PRDM11: variants seen among roughly 807,000 people sequenced by gnomAD.
The protein encoded by PRDM11 is PR/SET domain 11, also known as PR domain-containing protein 11.
Under a neutral mutation model 97.8 loss-of-function variants are expected in PRDM11, and 20 were observed. That is an observed-to-expected ratio of 0.20 (90% CI 0.14 to 0.30). The LOEUF (loss-of-function observed/expected upper bound fraction) is 0.30, where lower values mean the gene tolerates loss of function less well. PRDM11 is among the 10% of genes least tolerant of loss of function. The probability of loss-of-function intolerance (pLI) is 1.00; values close to 1 mark genes in which losing one functional copy is unlikely to be tolerated. For synonymous variants in PRDM11, 599 were observed against 637.7 expected, an observed-to-expected ratio of 0.94 and a Z score of 0.91; for missense variants, 1,139 against 1,555.2, an observed-to-expected ratio of 0.73 and a Z score of 4.50.
intron 7 of PRDM11, chr11:45,225,078 G>A: frequency 7.0e-7 from 1 of 1,437,284 alleles, no homozygotes. Context: ...AATAAAGGAA[G>A]TTCCGCTGCA....
At chr11:45,105,733 G>T (rs748684980) in intron 1 of PRDM11, among the ~76,000 whole-genome samples, 6 of 152,230 alleles carry the variant, frequency 3.9e-5, no homozygotes, top group Non-Finnish European at 8.8e-5. Flanking sequence ...CTCAGGCTCT[G>T]ATCCCACCTC....
rs79040280 is a variant in PRDM11 at position 45,113,265 on chromosome 11, T to C, written c.96+17364T>C. ...TTATCAAAGAGCAGTTGGCTGTACT[T>C]ATTTGGCTTTATTTCCGGGTTCTCT... On this transcript the variant is annotated intron_variant, in intron 1 of 6. Coordinates refer to the PRDM11 transcript ENST00000530656. Among the ~76,000 whole-genome samples, 1,155 of 152,352 alleles carry C rather than the reference T, an allele frequency of 7.6e-3. 13 individuals are homozygous for C. The highest frequency in any genetic ancestry group is 0.027 in the African/African-American group (1,105 of 41,584).
At chr11:45,183,247 G>A (rs957370809) in intron 4 of PRDM11, 124 bp downstream of exon 4, 39 of 1,292,486 alleles carry the variant, frequency 3.0e-5, no homozygotes, top group Non-Finnish European at 3.8e-5. Context: ...TGGACCTGTC[G>A]ATGATGGATC....
At chr11:45,175,885 T>A (rs528771031) in intron 1 of PRDM11, among the ~76,000 whole-genome samples, 66 of 152,370 alleles carry the variant, frequency 4.3e-4, no homozygotes, top group African/African-American at 1.5e-3. Flanking sequence ...ATTTATTTGT[T>A]TTAATTTGTA....
At chr11:45,104,359 T>A (rs1226485984) in intron 1 of PRDM11, among the ~76,000 whole-genome samples, 2 of 152,140 alleles carry the variant, frequency 1.3e-5, no homozygotes, top group Non-Finnish European at 2.9e-5. Flanking sequence ...GAATTCAGGA[T>A]CCTCTGGATG....
Position 45,181,997 on chromosome 11 carries a change from C to T in PRDM11, c.119+112C>T, listed in dbSNP as rs529604527. 34 of 1,022,998 alleles carry T rather than the reference C, an allele frequency of 3.3e-5. 2 individuals are homozygous for T. In the South Asian group the frequency reaches 4.8e-4, roughly 15 times the overall value. 63.4% of individuals were successfully genotyped at this position (1,022,998 alleles called of 1,614,324 possible). A position where few individuals can be genotyped will look rare whatever the true frequency, so the allele number is the denominator to read the frequency against. On this transcript the variant is annotated intron_variant, in intron 2 of 7. Coordinates refer to ENST00000683152, the MANE Select transcript of PRDM11 (RefSeq NM_001384648.1). Reference sequence around the variant, plus strand: ...CTCACTCCTTGCCCACCTTCCCTAACCCTGCTCCCGGCAGCTCCTGGGCGC... The same window carrying T: ...CTCACTCCTTGCCCACCTTCCCTAATCCTGCTCCCGGCAGCTCCTGGGCGC...
intron 1 of PRDM11, among the ~76,000 whole-genome samples, chr11:45,134,645 G>C (rs1852793356): frequency 7.6e-6 from 1 of 132,442 alleles, no homozygotes; most frequent in Non-Finnish European, 1.5e-5. Context: ...GCTGCAGTGA[G>C]CTGAGATTGC....
At chr11:45,193,901 A>T (rs1405957644) in intron 4 of PRDM11, among the ~76,000 whole-genome samples, 2 of 152,226 alleles carry the variant, frequency 1.3e-5, no homozygotes, top group African/African-American at 2.4e-5. Context: ...CTCTGGAGCC[A>T]GGTCTGCTCC....
chr11:45,112,310 T>G (rs1364589990), intron 1 of PRDM11, among the ~76,000 whole-genome samples: 1 of 152,232 alleles, frequency 6.6e-6, no homozygotes, highest in East Asian at 1.9e-4. Flanking sequence ...CCATGGTGTA[T>G]ATATAACACA....
At chr11:45,130,799 T>C (rs890669717) in intron 1 of PRDM11, among the ~76,000 whole-genome samples, 1 of 152,228 alleles carries the variant, frequency 6.6e-6, no homozygotes, top group Non-Finnish European at 1.5e-5. Context: ...CAATAACTTT[T>C]TCCATAATAG....
rs541753831 is a variant in PRDM11 at position 45,111,366 on chromosome 11, G to A, written c.96+15465G>A. Among the ~76,000 whole-genome samples the A allele has an allele frequency of 1.3e-4, 7 of 54,644 alleles. 2 individuals are homozygous for A. The highest frequency in any genetic ancestry group is 4.2e-4 in the Non-Finnish European group (5 of 11,978). The allele number at this position is 54,644 out of a possible 152,430, so 35.8% of individuals were successfully genotyped here. ...ACGGCATTCCACCCAACATTGCTTC[G>A]GACCAACGAACCCATTTCACAGCGA... On this transcript the variant is annotated intron_variant, in intron 1 of 6. Transcript: ENST00000530656.
chr11:45,224,108 T>C (rs1003138956), intron 6 of PRDM11, 109 bp from the exon 7 acceptor site: 1 of 1,331,738 alleles, frequency 7.5e-7, no homozygotes, highest in Non-Finnish European at 1.0e-6. Flanking sequence ...AAAGCCCAGA[T>C]CTAGAGGGAT....
rs551031242 is a variant in PRDM11 at position 45,170,653 on chromosome 11, G to A, written c.-6-11108G>A. Among the ~76,000 whole-genome samples the A allele has an allele frequency of 8.5e-5, 13 of 152,300 alleles. No individual in the cohort carries two copies. The East Asian group carries it at 1.9e-3, about 23-fold the overall frequency. On this transcript the variant is annotated intron_variant, in intron 1 of 7. Coordinates refer to ENST00000683152, the MANE Select transcript of PRDM11 (RefSeq NM_001384648.1). ...ACACTGCTGAAGAGCTTTGGTGTTT[G>A]CATTGCATGAAATGGGGCACCATGG... is the stretch of plus-strand genomic sequence containing the variant.
At chr11:45,153,518 G>A (rs1851712802) in intron 1 of PRDM11, among the ~76,000 whole-genome samples, 1 of 152,230 alleles carries the variant, frequency 6.6e-6, no homozygotes. Context: ...TCTCCTGGGT[G>A]TGAGGCCAGT....
chr11:45,164,666 T>A (rs2087175982), intron 1 of PRDM11, among the ~76,000 whole-genome samples: 1 of 152,230 alleles, frequency 6.6e-6, no homozygotes, highest in South Asian at 2.1e-4. Flanking sequence ...CAGCAGATCC[T>A]GAGGCTGGAA....
At chr11:45,127,275 G>T (rs1852595876) in intron 1 of PRDM11, among the ~76,000 whole-genome samples, 1 of 152,232 alleles carries the variant, frequency 6.6e-6, no homozygotes, top group Non-Finnish European at 1.5e-5. Flanking sequence ...TTTGCCATTG[G>T]TTTGAATTTC....
chr11:45,189,139 G>T (rs1264940781), intron 4 of PRDM11, among the ~76,000 whole-genome samples: 1 of 152,070 alleles, frequency 6.6e-6, no homozygotes, highest in East Asian at 1.9e-4. Flanking sequence ...GACCTCAAGT[G>T]ATCCGCCCAC....
rs565149489 is a variant in PRDM11, at chr11:45,115,929, A to G, written c.96+20028A>G. On this transcript the variant is annotated intron_variant, in intron 1 of 6. Transcript: ENST00000530656. ...TGGGTGACGAGTGAAACTCCATCTC[A>G]AAAAAAAAAAAAGAAAAAAAGAAAA... Among the ~76,000 whole-genome samples the G allele has an allele frequency of 3.6e-4, 51 of 142,498 alleles. No individual in the cohort carries two copies. The East Asian group carries it at 7.6e-3, about 21-fold the overall frequency. 93.5% of individuals were successfully genotyped at this position (142,498 alleles called of 152,430 possible).
chr11:45,130,527 A>G (rs1218647280), intron 1 of PRDM11, among the ~76,000 whole-genome samples: 1 of 152,184 alleles, frequency 6.6e-6, no homozygotes, highest in Non-Finnish European at 1.5e-5. Flanking sequence ...AACTTTCTAG[A>G]ATGAGTAAAA....
Sources: allele counts gnomAD v4.1 joint callset (sites outside exome capture counted in the v4.1 genomes callset), GRCh38; gene constraint gnomAD v4.1.1; transcripts MANE v1.5; gene names NCBI Gene and HGNC (gene_info 2026-07-23, HGNC 2026-07-21).